Variants in IL1RN observed in about 807,000 individuals in gnomAD.
IL1RN encodes the protein interleukin 1 receptor antagonist.
IL1RN carries 10 observed loss-of-function variants against 13.7 expected under a neutral mutation model. The observed-to-expected ratio is 0.73, with a 90% CI of 0.45 to 1.24. IL1RN has a LOEUF of 1.24. IL1RN is among the 50% of genes most tolerant of loss of function. IL1RN has a pLI of 0.00. For synonymous variants in IL1RN, 102 were observed against 82.7 expected (o/e 1.23, Z -1.27); for missense variants, 213 against 222.1 (o/e 0.96, Z 0.26).
At chr2:113,130,136 T>A in intron 2 of IL1RN, 1 of 181,908 alleles carries the variant, frequency 5.5e-6, no homozygotes, top group Admixed American at 5.4e-5. Context: ...CTTCACCCAC[T>A]CTGTTCCTCA....
upstream of IL1RN, among the ~76,000 whole-genome samples, chr2:113,103,466 G>A (rs1162601485): frequency 2.6e-5 from 4 of 152,178 alleles, no homozygotes; most frequent in South Asian, 2.1e-4. Flanking sequence ...GCTGATAAAC[G>A]GAGAGGTTGG....
chr2:113,132,195 T>A (rs1687194274), intron 3 of IL1RN, among the ~76,000 whole-genome samples: 1 of 152,194 alleles, frequency 6.6e-6, no homozygotes, highest in Non-Finnish European at 1.5e-5. Context: ...ACGCCTGTAA[T>A]CCCAGCACTT....
chr2:113,122,776 C>A (rs1051236153), upstream of IL1RN, among the ~76,000 whole-genome samples: 8 of 152,158 alleles, frequency 5.3e-5, no homozygotes, highest in Non-Finnish European at 1.2e-4. Flanking sequence ...CTTTTCCTAC[C>A]CCTACCTCTA....
In IL1RN at chr2:113,129,603, C is replaced by G; in HGVS notation, c.144C>G (p.Phe48Leu). 2.5e-6 allele frequency: 4 copies of G among 1,612,068 alleles called. No homozygotes were observed. Among genetic ancestry groups the G allele is most frequent in the Non-Finnish European group, 2.5e-6 (3 of 1,178,036 alleles). ...TCTGGGATGTTAACCAGAAGACCTT[C>G]TATCTGAGGAACAACCAACTAGTTG... ...FRIWDVNQKT[F>L]YLRNNQLVAG... is the part of the protein sequence containing the mutation. Residue 48 changes from phenylalanine (F) to leucine (L), a missense_variant, in exon 2 of 4, where the codon TTC (phenylalanine) becomes TTG (leucine). Phe to Leu is a conservative substitution (Grantham distance 22, BLOSUM62 0). Coordinates refer to ENST00000409930, the MANE Select transcript of IL1RN (RefSeq NM_173842.3).
At chr2:113,109,445 C>CA (rs1686454299), upstream of IL1RN, among the ~76,000 whole-genome samples, 1 of 144,024 alleles carries the variant, frequency 6.9e-6, no homozygotes, top group Non-Finnish European at 1.5e-5. Context: ...GATAGTAAAA[C>CA]AAATCCAAAT....
intron 2 of IL1RN, among the ~76,000 whole-genome samples, chr2:113,121,060 C>CTCCCCCTTCTCCTCTTCTACT (rs1558864271): frequency 1.5e-5 from 1 of 66,524 alleles, no homozygotes; most frequent in African/African-American, 4.4e-5. Context: ...CTTCTTCTTC[C>CTCCCCCTTCTCCTCTTCTACT]TCCTCCTCCT....
intron 2 of IL1RN, chr2:113,121,533 AC>A: frequency 1.0e-6 from 1 of 985,418 alleles, no homozygotes; most frequent in African/African-American, 1.7e-5. Context: ...ATAAGTAATG[AC>A]TTTCAGTGCA....
chr2:113,113,569 A>T (rs939758646), upstream of IL1RN, among the ~76,000 whole-genome samples: 1 of 146,040 alleles, frequency 6.8e-6, no homozygotes, highest in Non-Finnish European at 1.5e-5. Flanking sequence ...GGTATATCTT[A>T]TATGTTCTTA....
exon 1 of IL1RN, chr2:113,117,932 G>T (rs2234677): frequency 2.4e-6 from 2 of 838,980 alleles, no homozygotes; most frequent in East Asian, 2.4e-5. Flanking sequence ...CCCAGGTACT[G>T]CCCGGGTGCT....
At chr2:113,105,688 T>G (rs1409164274), upstream of IL1RN, among the ~76,000 whole-genome samples, 3 of 152,228 alleles carry the variant, frequency 2.0e-5, no homozygotes, top group African/African-American at 7.2e-5. Flanking sequence ...CTTTTCATGT[T>G]TACTACCCCA....
upstream of IL1RN, among the ~76,000 whole-genome samples, chr2:113,116,807 G>A (rs371651978): frequency 6.6e-6 from 1 of 152,198 alleles, no homozygotes. Context: ...CTGTGTAAAT[G>A]CATGTGATTT....
upstream of IL1RN, among the ~76,000 whole-genome samples, chr2:113,106,273 C>T (rs1280440785): frequency 6.6e-6 from 1 of 152,104 alleles, no homozygotes; most frequent in South Asian, 2.1e-4. Flanking sequence ...GGAACAAGAA[C>T]AGCAAAGGGA....
intron 1 of IL1RN, among the ~76,000 whole-genome samples, chr2:113,128,777 G>A (rs538744743): frequency 1.3e-5 from 2 of 152,314 alleles, no homozygotes; most frequent in South Asian, 4.1e-4. Flanking sequence ...AGGTGAAGAG[G>A]TGAGGCACAG....
chr2:113,114,175 G>A (rs1573279132), upstream of IL1RN, among the ~76,000 whole-genome samples: 1 of 152,156 alleles, frequency 6.6e-6, no homozygotes, highest in African/African-American at 2.4e-5. Context: ...AGTAGTAATT[G>A]TTTCTCTATC....
chr2:113,128,431 C>T (rs1043921400), intron 1 of IL1RN, among the ~76,000 whole-genome samples: 2 of 152,104 alleles, frequency 1.3e-5, no homozygotes, highest in African/African-American at 4.8e-5. Context: ...ACTTCTCCCC[C>T]ACTCTGACCT....
the IL1RN span, among the ~76,000 whole-genome samples, chr2:113,100,066 T>A: frequency 7.3e-6 from 1 of 137,562 alleles, no homozygotes. Context: ...ACCACGCCTG[T>A]AATCCCAGCA....
upstream of IL1RN, among the ~76,000 whole-genome samples, chr2:113,113,644 T>A (rs148105721): frequency 3.9e-5 from 6 of 152,284 alleles, no homozygotes; most frequent in Non-Finnish European, 7.4e-5. Flanking sequence ...GATGGATATG[T>A]TTATGGCCTT....
At chr2:113,108,396 G>A (rs148159788), upstream of IL1RN, among the ~76,000 whole-genome samples, 3,046 of 151,922 alleles carry the variant, frequency 0.02, 121 homozygotes, top group African/African-American at 0.069. Flanking sequence ...ATCTCCTAAT[G>A]CTATCCGTCC....
At chr2:113,120,102 A>G (rs1686716995) in exon 2 of IL1RN, 1 of 1,613,194 alleles carries the variant, frequency 6.2e-7, no homozygotes. Flanking sequence ...GGAGGAGGAG[A>G]AGGTGAAGAC....
Sources: gnomAD v4.1 joint callset for allele counts (sites outside exome capture counted in the v4.1 genomes callset) on GRCh38, gnomAD v4.1.1 for gene constraint, MANE v1.5 for transcripts, NCBI Gene and HGNC (gene_info 2026-07-23, HGNC 2026-07-21) for gene names.